Variants in MAPK14 observed in about 807,000 individuals in gnomAD.
MAPK14 encodes mitogen-activated protein kinase 14, also known as CSAID-binding protein.
In MAPK14, 16 loss-of-function variants were observed where a neutral mutation model predicts 49.6. That is an observed-to-expected ratio of 0.32 (90% CI 0.22 to 0.49). The LOEUF is 0.49. Among genes scored for constraint, MAPK14 ranks in the 20% least tolerant of loss-of-function variants. MAPK14 has a pLI of 0.99. For synonymous variants in MAPK14, 142 were observed against 158.0 expected (o/e 0.90, Z 0.76); for missense variants, 200 against 441.2 (o/e 0.45, Z 4.90).
chr6:36,099,263 C>T (rs1349917321), intron 9 of MAPK14, among the ~76,000 whole-genome samples: 2 of 152,218 alleles, frequency 1.3e-5, no homozygotes, highest in Non-Finnish European at 2.9e-5. Context: ...TTTTTAAAAT[C>T]TCATCACTTC....
chr6:36,063,270 A>G (rs902899440), intron 3 of MAPK14, among the ~76,000 whole-genome samples: 6 of 152,128 alleles, frequency 3.9e-5, no homozygotes, highest in Admixed American at 1.3e-4. Flanking sequence ...AAACATAACT[A>G]AACATAGAAA....
At chr6:36,100,349 T>C in intron 9 of MAPK14, 1 of 999,408 alleles carries the variant, frequency 1.0e-6, no homozygotes, top group Non-Finnish European at 1.6e-6. Context: ...CCAACAGTTC[T>C]TAACATCACT....
intron 4 of MAPK14, 94 bp from the exon 5 acceptor site, chr6:36,073,597 A>C (rs1764395986): frequency 1.1e-6 from 1 of 893,122 alleles, no homozygotes; most frequent in Admixed American, 2.0e-5. Context: ...TAACACTAGC[A>C]GTTCTTACTG....
Position 36,028,318 on chromosome 6 carries a change from T to A in MAPK14, c.116+45T>A. ...GGGCCGCTGTGGGCAGGGTGGCCCC[T>A]CGCGCCCGAGGGCCAGGCCTGCTCC... On this transcript the variant is annotated intron_variant, in intron 1 of 11. Coordinates refer to ENST00000229794, the MANE Select transcript of MAPK14 (RefSeq NM_139012.3). This position sits in a 1 kb window ranked among gnomAD's most constrained non-coding sequence, Gnocchi z 5.1. The A allele has an allele frequency of 7.0e-7, 1 of 1,429,726 alleles. No individual in the cohort carries two copies. Among genetic ancestry groups the A allele is most frequent in the Non-Finnish European group, 9.9e-7 (1 of 1,014,918 alleles). 88.6% of individuals were successfully genotyped at this position (1,429,726 alleles called of 1,614,324 possible). A position where few individuals can be genotyped will look rare whatever the true frequency, so the allele number is the denominator to read the frequency against.
Position 36,073,678 on chromosome 6 carries a change from T to C in MAPK14, c.418-13T>C. The C allele has an allele frequency of 6.2e-7, 1 of 1,609,728 alleles. No homozygotes were observed. The highest frequency in any genetic ancestry group is 1.1e-5 in the South Asian group (1 of 90,374). ...AAGGTTGGAGGTAACTTTGACTTTT[T>C]TCTCTTTTGCAGTATATACATTCAG... On this transcript the variant is annotated splice_polypyrimidine_tract_variant and intron_variant, in intron 4 of 11. Transcript: ENST00000229794.
In MAPK14 at chr6:36,108,609, T is replaced by C; in HGVS notation, c.*162T>C. On this transcript the variant is annotated 3_prime_UTR_variant, in exon 12 of 12. Transcript: ENST00000229794. ...GTGCGTGTTAGTGTGTGTGCATGTG[T>C]GTGTCTGTCTTTGTGGGAGGGTAAG... 1.6e-6 allele frequency: 1 copy of C among 638,924 alleles called. No individual in the cohort carries two copies. The highest frequency in any genetic ancestry group is 2.8e-6 in the Non-Finnish European group (1 of 351,892). The allele number at this position is 638,924 out of a possible 1,614,324, so 39.6% of individuals were successfully genotyped here. A position where few individuals can be genotyped will look rare whatever the true frequency, so the allele number is the denominator to read the frequency against.
At chr6:36,084,067 A>C (rs1052487174) in intron 8 of MAPK14, among the ~76,000 whole-genome samples, 11 of 152,212 alleles carry the variant, frequency 7.2e-5, no homozygotes, top group African/African-American at 2.7e-4. Context: ...CCAGGCAAAG[A>C]GTCTGGAGTG....
At chr6:36,120,148 ATGATAT>A in the MAPK14 span, among the ~76,000 whole-genome samples, 526 of 152,270 alleles carry the variant, frequency 3.5e-3, 2 homozygotes, top group African/African-American at 0.012. Context: ...GTAAAATGGG[ATGATAT>A]TGATAATAGT....
intron 10 of MAPK14, among the ~76,000 whole-genome samples, chr6:36,106,257 G>A (rs1765793767): frequency 6.6e-6 from 1 of 152,140 alleles, no homozygotes; most frequent in African/African-American, 2.4e-5. Flanking sequence ...GTGGAAAGCA[G>A]GGTATAGACA....
intron 8 of MAPK14, among the ~76,000 whole-genome samples, chr6:36,095,543 T>A (rs1477375907): frequency 1.3e-5 from 2 of 152,208 alleles, no homozygotes; most frequent in African/African-American, 4.8e-5. Flanking sequence ...CTAGCTCCTG[T>A]CTTCTGCTGC....
rs201914403 is a variant in MAPK14 at position 36,074,045 on chromosome 6, C to T, written c.448-4C>T. On this transcript the variant is annotated splice_polypyrimidine_tract_variant and splice_region_variant and intron_variant, in intron 5 of 11. Transcript: ENST00000229794. The stretch of plus-strand genomic sequence containing the variant: ...ATCCTGTCTTCCCTGTATTTGCTTC[C>T]TAGGACCTAAAACCTAGTAATCTAG... 18 of 1,610,286 alleles carry T rather than the reference C, an allele frequency of 1.1e-5. No individual in the cohort carries two copies. Among genetic ancestry groups the T allele is most frequent in the Non-Finnish European group, 2.5e-6 (3 of 1,176,836 alleles).
rs866216265 is a variant in MAPK14 at position 36,110,973 on chromosome 6, G to A, written c.*2526G>A. On this transcript the variant is annotated 3_prime_UTR_variant, in exon 12 of 12. Transcript: ENST00000229794. ...TTGCTGTGGATGGGTAAAGCAAAGA[G>A]CAAATGAACGAAGTATTAAGCATTG... The A allele has an allele frequency of 3.6e-4, 55 of 152,178 alleles. No homozygotes were observed. Among genetic ancestry groups the A allele is most frequent in the African/African-American group, 1.3e-3 (53 of 41,436 alleles). The allele number at this position is 152,178 out of a possible 1,614,324, so 9.4% of individuals were successfully genotyped here. A position where few individuals can be genotyped will look rare whatever the true frequency, so the allele number is the denominator to read the frequency against.
the MAPK14 span, among the ~76,000 whole-genome samples, chr6:36,116,703 G>T: frequency 6.6e-6 from 1 of 152,178 alleles, no homozygotes; most frequent in South Asian, 2.1e-4. Context: ...GACACCTGGA[G>T]TCCTAAGAAG....
chr6:36,065,793 A>T (rs1764031973), intron 3 of MAPK14, among the ~76,000 whole-genome samples: 3 of 152,244 alleles, frequency 2.0e-5, no homozygotes, highest in Admixed American at 2.0e-4. Context: ...TGATAAAAAG[A>T]TATCATTTTA....
At chr6:36,104,617 G>A (rs1765745764) in intron 10 of MAPK14, among the ~76,000 whole-genome samples, 1 of 152,132 alleles carries the variant, frequency 6.6e-6, no homozygotes, top group Admixed American at 6.5e-5. Context: ...TCGATCTCCT[G>A]ACCTCGTGAC....
chr6:36,100,039 A>C, intron 9 of MAPK14: 1 of 600,768 alleles, frequency 1.7e-6, no homozygotes, highest in Non-Finnish European at 3.1e-6. Flanking sequence ...AGTGTACTGT[A>C]GCATGCAGCT....
chr6:36,096,118 C>A (rs1254092329), intron 9 of MAPK14, 52 bp downstream of exon 9: 1 of 1,272,274 alleles, frequency 7.9e-7, no homozygotes, highest in African/African-American at 1.5e-5. Flanking sequence ...CTGCCACTTG[C>A]CTTCTACCAA....
At chr6:36,120,591 G>C in the MAPK14 span, among the ~76,000 whole-genome samples, 2 of 152,088 alleles carry the variant, frequency 1.3e-5, no homozygotes, top group South Asian at 2.1e-4. Context: ...GCGGTGATAA[G>C]TGTGTATCCC....
In MAPK14 at chr6:36,074,054, A is replaced by G. The variant is rs1451712056; in HGVS notation, c.453A>G (p.Leu151=). The G allele has an allele frequency of 6.2e-7, 1 of 1,611,874 alleles. No homozygotes were observed. The highest frequency in any genetic ancestry group is 1.1e-5 in the South Asian group (1 of 91,022). Reference sequence around the variant, plus strand: ...TCCCTGTATTTGCTTCCTAGGACCTAAAACCTAGTAATCTAGCTGTGAATG... The same window carrying G: ...TCCCTGTATTTGCTTCCTAGGACCTGAAACCTAGTAATCTAGCTGTGAATG... ...IHSADIIHRD[L]KPSNLAVNED... Residue 151 remains leucine (L), a synonymous_variant, in exon 6 of 12, where the codon CTA becomes CTG. Transcript: ENST00000229794.
Sources: gnomAD v4.1 joint callset for allele counts (sites outside exome capture counted in the v4.1 genomes callset) on GRCh38, gnomAD v4.1.1 for gene constraint, Gnocchi (gnomAD v3.1) non-coding constraint, MANE v1.5 for transcripts, NCBI Gene and HGNC (gene_info 2026-07-23, HGNC 2026-07-21) for gene names.